Variants in LARP1 observed in about 807,000 individuals in gnomAD.
LARP1 encodes the protein La ribonucleoprotein 1, translational regulator, also known as la-related protein 1.
Under a neutral mutation model 122.7 loss-of-function variants are expected in LARP1, and 36 were observed. The ratio of observed to expected loss-of-function variants is 0.29; its 90% CI spans 0.22 to 0.39. The LOEUF is 0.39. Ranked by LOEUF, LARP1 falls within the 10% of genes least tolerant of loss-of-function variation. The probability of loss-of-function intolerance (pLI) is 1.00; values close to 1 mark genes in which losing one functional copy is unlikely to be tolerated. For synonymous variants in LARP1, 539 were observed against 528.7 expected (o/e 1.02, Z -0.27); for missense variants, 1,040 against 1,403.6 (o/e 0.74, Z 4.14).
chr5:154,708,147 C>T (rs1179758672), upstream of LARP1, among the ~76,000 whole-genome samples: 1 of 152,192 alleles, frequency 6.6e-6, no homozygotes, highest in Non-Finnish European at 1.5e-5. Flanking sequence ...GGTGATCATG[C>T]ACCAGCTGAG....
rs199579178 is a variant in LARP1 at position 154,793,797 on chromosome 5, T to C, written c.869-3T>C. 2.7e-4 allele frequency: 438 copies of C among 1,614,014 alleles called. No individual in the cohort carries two copies. The highest frequency in any genetic ancestry group is 1.7e-4 in the Non-Finnish European group (197 of 1,179,978). ...GCCTGACCTGGTACCCCTCTCCCCATAGGGTCTGAGTCTGCCACCTACGTG... is the reference window on the plus strand; with the variant it reads ...GCCTGACCTGGTACCCCTCTCCCCACAGGGTCTGAGTCTGCCACCTACGTG... On this transcript the variant is annotated splice_polypyrimidine_tract_variant and splice_region_variant and intron_variant, in intron 5 of 18. Transcript: ENST00000518297.
In LARP1 at chr5:154,809,171, T is replaced by C. The variant is rs76964827; in HGVS notation, c.2843+568T>C. ...CCAATATTTTGCTATTAAAAAAACC[T>C]TGAGTCCTTTTTTCCTGGCTGGGTG... On this transcript the variant is annotated intron_variant, in intron 16 of 18. Coordinates refer to ENST00000518297, the MANE Select transcript of LARP1 (RefSeq NM_033551.3). Among the ~76,000 whole-genome samples the C allele has an allele frequency of 5.3e-3, 799 of 152,160 alleles. 6 individuals carry two copies. Among genetic ancestry groups the C allele is most frequent in the African/African-American group, 0.018 (752 of 41,506 alleles).
rs370322300 is a variant in LARP1, at chr5:154,793,769, C to G, written c.869-31C>G. ...AGGGCCTGGACTTGGGAGACACCCT[C>G]AGGCCTGACCTGGTACCCCTCTCCC... On this transcript the variant is annotated intron_variant, in intron 5 of 18. Transcript: ENST00000518297. The G allele has an allele frequency of 7.7e-5, 124 of 1,614,048 alleles. 2 individuals carry two copies. In the Middle Eastern group the frequency reaches 8.2e-4, roughly 11 times the overall value.
chr5:154,693,021 C>T (rs1582146126), intron 1 of LARP1, among the ~76,000 whole-genome samples: 1 of 139,582 alleles, frequency 7.2e-6, no homozygotes, highest in Non-Finnish European at 1.5e-5. Context: ...GACAAAGTCT[C>T]ATTATGTTGC....
intron 1 of LARP1, among the ~76,000 whole-genome samples, chr5:154,785,424 G>T (rs1018168167): frequency 6.6e-6 from 1 of 152,194 alleles, no homozygotes. Context: ...CGATTGCTTG[G>T]AAATAGTAAG....
At position 154,706,624 on chromosome 5, in the gene LARP1, G is replaced by C. The variant is rs752114087; in HGVS notation, c.-180+23587G>C. Among the ~76,000 whole-genome samples the C allele has an allele frequency of 4.1e-4, 62 of 151,642 alleles. No individual in the cohort carries two copies. The Middle Eastern group carries it at 0.01, about 25-fold the overall frequency. On this transcript the variant is annotated intron_variant, in intron 1 of 18. Coordinates refer to the LARP1 transcript ENST00000687700. ...TATCCTGTACTATGCTTGTTACATG[G>C]GTGATTAAATAATCTGTACACCAAA... is the stretch of plus-strand genomic sequence containing the variant.
chr5:154,763,822 A>G (rs1034253046), intron 1 of LARP1, among the ~76,000 whole-genome samples: 1 of 151,622 alleles, frequency 6.6e-6, no homozygotes, highest in African/African-American at 2.4e-5. Context: ...TCTGGGTAAC[A>G]TAGGGATACC....
intron 1 of LARP1, among the ~76,000 whole-genome samples, chr5:154,718,102 T>A (rs940391282): frequency 6.6e-6 from 1 of 152,032 alleles, no homozygotes; most frequent in Non-Finnish European, 1.5e-5. Context: ...TTTTTTTTTT[T>A]GTAGAAACGG....
chr5:154,797,816 G>A (rs1758011546), intron 8 of LARP1, among the ~76,000 whole-genome samples: 1 of 151,998 alleles, frequency 6.6e-6, no homozygotes, highest in South Asian at 2.1e-4. Flanking sequence ...AGCCTCCTGA[G>A]TAGCAGGATT....
chr5:154,810,962 C>T (rs538058334), intron 16 of LARP1, among the ~76,000 whole-genome samples: 164 of 152,274 alleles, frequency 1.1e-3, no homozygotes, highest in Non-Finnish European at 2.0e-3. Flanking sequence ...TACTCAACTC[C>T]GTTCACTCTG....
At chr5:154,801,402 A>G (rs1056322482) in intron 10 of LARP1, among the ~76,000 whole-genome samples, 1 of 152,194 alleles carries the variant, frequency 6.6e-6, no homozygotes, top group Non-Finnish European at 1.5e-5. Flanking sequence ...AGCCTTTACC[A>G]TACCACAATG....
intron 1 of LARP1, among the ~76,000 whole-genome samples, chr5:154,743,265 T>C (rs1370150371): frequency 1.1e-4 from 17 of 152,068 alleles, no homozygotes. Flanking sequence ...ATTATCATTA[T>C]TACTTTTATT....
At chr5:154,687,086 CAA>C (rs1327223102) in intron 1 of LARP1, among the ~76,000 whole-genome samples, 1 of 152,198 alleles carries the variant, frequency 6.6e-6, no homozygotes, top group Non-Finnish European at 1.5e-5. Context: ...ACGGTGCTTC[CAA>C]AAGGCTAAAT....
upstream of LARP1, among the ~76,000 whole-genome samples, chr5:154,708,980 T>A (rs1398359456): frequency 6.6e-6 from 1 of 152,234 alleles, no homozygotes; most frequent in African/African-American, 2.4e-5. Flanking sequence ...GTTGCCTTGT[T>A]GTCAACATTG....
rs1397829498 is a variant in LARP1, at chr5:154,814,369, A to G, written c.*273A>G. ...AGGGAAAGGGGGGAGATTTTTATAT[A>G]TATATACATATATATATATCAAGTT... On this transcript the variant is annotated 3_prime_UTR_variant, in exon 19 of 19. Transcript: ENST00000518297. 4.6e-5 allele frequency: 8 copies of G among 175,804 alleles called. No individual in the cohort carries two copies. The highest frequency in any genetic ancestry group is 1.9e-4 in the Admixed American group (3 of 16,060). The allele number at this position is 175,804 out of a possible 1,614,324, so 10.9% of individuals were successfully genotyped here.
upstream of LARP1, among the ~76,000 whole-genome samples, chr5:154,751,513 CCTGA>C (rs1261308607): frequency 6.6e-6 from 1 of 152,152 alleles, no homozygotes; most frequent in African/African-American, 2.4e-5. Flanking sequence ...AGTAGCTACT[CCTGA>C]CTATTTGGTC....
rs538389190 is a variant in LARP1, at chr5:154,776,982, G to A, written c.437-13343G>A. ...ATCAAAACAACCCAAGTACAGTCTC[G>A]TGTCACTTAACAGGGATACATTCCG... On this transcript the variant is annotated intron_variant, in intron 1 of 18. Transcript: ENST00000518297. Among the ~76,000 whole-genome samples, 54 of 152,242 alleles carry A rather than the reference G, an allele frequency of 3.5e-4. 2 individuals are homozygous for A. The South Asian group carries it at 9.5e-3, about 27-fold the overall frequency.
chr5:154,770,125 G>C (rs895179413), intron 1 of LARP1, among the ~76,000 whole-genome samples: 4 of 152,090 alleles, frequency 2.6e-5, no homozygotes, highest in Admixed American at 1.3e-4. Flanking sequence ...AGGAGGTAGG[G>C]GGAGGAGGCA....
At chr5:154,713,977 G>T (rs998364316) in intron 1 of LARP1, among the ~76,000 whole-genome samples, 2 of 152,218 alleles carry the variant, frequency 1.3e-5, no homozygotes, top group African/African-American at 4.8e-5. Flanking sequence ...GGTAGATACC[G>T]CTTGTGCTGA....
Sources: gnomAD v4.1 joint callset for allele counts (sites outside exome capture counted in the v4.1 genomes callset) on GRCh38, gnomAD v4.1.1 for gene constraint, MANE v1.5 for transcripts, NCBI Gene and HGNC (gene_info 2026-07-23, HGNC 2026-07-21) for gene names.